The following PKD1L3 variants were observed in gnomAD, a reference collection of about 807,000 sequenced individuals.
The protein encoded by PKD1L3 is polycystin 1 like 3, transient receptor potential channel interacting, also known as polycystin-1-like protein 3.
PKD1L3 carries 239 observed loss-of-function variants against 184.1 expected under a neutral mutation model. That is an observed-to-expected ratio of 1.30 (90% CI 1.17 to 1.45). PKD1L3 has a LOEUF of 1.45. PKD1L3 is among the 40% of genes most tolerant of loss of function. The pLI is 0.00. For synonymous variants in PKD1L3, 996 were observed against 778.8 expected, an observed-to-expected ratio of 1.28 and a Z score of -4.64; for missense variants, 2,660 against 2,067.2, an observed-to-expected ratio of 1.29 and a Z score of -5.56.
intron 2 of PKD1L3, among the ~76,000 whole-genome samples, chr16:71,996,789 G>C (rs72787021): frequency 0.14 from 20,729 of 151,972 alleles, 1,926 homozygotes; most frequent in Non-Finnish European, 0.19. Context: ...TACTGAATTG[G>C]ACTCCATGGA....
chr16:71,937,420 C>T lies in PKD1L3; in HGVS notation c.4325-1G>A, dbSNP rs1028921191. The T allele has an allele frequency of 3.9e-6, 6 of 1,550,268 alleles. No individual in the cohort carries two copies. In the Admixed American group the frequency reaches 1.2e-4, roughly 31 times the overall value. On this transcript the variant is annotated splice_acceptor_variant, in intron 24 of 29. Transcript: ENST00000620267. LOFTEE classifies it high-confidence loss of function. ...AGTCTCAAAGAGGTGAAGAAAGCAC[C>T]TGAGAATAACAAAGAACACCTGGAG... is the stretch of plus-strand genomic sequence containing the variant.
intron 11 of PKD1L3, among the ~76,000 whole-genome samples, chr16:71,975,255 G>A (rs1260345527): frequency 1.4e-5 from 2 of 147,862 alleles, no homozygotes; most frequent in African/African-American, 2.5e-5. Flanking sequence ...ACAGAGTCTC[G>A]CTCTGTTGCC....
At chr16:71,930,254 C>A in intron 28 of PKD1L3, 71 bp from the exon 29 acceptor site, 1 of 1,406,052 alleles carries the variant, frequency 7.1e-7, no homozygotes, top group South Asian at 1.7e-5. Flanking sequence ...AAGCTATATG[C>A]TAGTGTTTGG....
Position 71,930,154 on chromosome 16 carries a change from G to C in PKD1L3, c.4956C>G (p.Thr1652=). 6.4e-7 allele frequency: 1 copy of C among 1,551,174 alleles called. No homozygotes were observed. The highest frequency in any genetic ancestry group is 1.2e-5 in the South Asian group (1 of 84,008). Residue 1652 remains threonine, a synonymous_variant, in exon 29 of 30, where the codon ACC becomes ACG. Coordinates refer to ENST00000620267, the MANE Select transcript of PKD1L3 (RefSeq NM_181536.2). ...AGATGACACTGGTGAGGATCAGAAA[G>C]GTGCCCAGGACTGGGTCTAAAGCGA... ...EVFALDPVLG[T]FLILTSVILM...
intron 14 of PKD1L3, among the ~76,000 whole-genome samples, 157 bp from the exon 15 acceptor site, chr16:71,967,472 A>G (rs1202872931): frequency 6.6e-6 from 1 of 152,196 alleles, no homozygotes; most frequent in Non-Finnish European, 1.5e-5. Context: ...CAGTATAGAT[A>G]TATTTTTTCT....
chr16:71,981,944 G>T, intron 7 of PKD1L3, 115 bp downstream of exon 7: 1 of 1,186,400 alleles, frequency 8.4e-7, no homozygotes, highest in South Asian at 1.9e-5. Context: ...TTCTTCTGCA[G>T]CAGAAACTTC....
chr16:71,946,534 T>G (rs2038609652), intron 22 of PKD1L3, among the ~76,000 whole-genome samples: 1 of 151,886 alleles, frequency 6.6e-6, no homozygotes, highest in Non-Finnish European at 1.5e-5. Flanking sequence ...AGGTGATAAG[T>G]TAGCCCTAGT....
intron 5 of PKD1L3, 130 bp from the exon 6 acceptor site, chr16:71,984,297 A>G: frequency 1.2e-6 from 1 of 828,710 alleles, no homozygotes; most frequent in Non-Finnish European, 1.8e-6. Context: ...GCTCTCTAAA[A>G]CAGTGATTAC....
chr16:71,942,958 T>TA lies in PKD1L3; in HGVS notation c.3925dup (p.Tyr1309LeufsTer34). On this transcript the variant is annotated frameshift_variant, in exon 24 of 30. Transcript: ENST00000620267. LOFTEE classifies it high-confidence loss of function. The stretch of plus-strand genomic sequence containing the variant: ...TGTCTTCCAGATAGCTTGGTGGAGG[T>TA]AAAATCTATTGGAGTTCTTTGCAGA... 6.4e-7 allele frequency: 1 copy of TA among 1,551,450 alleles called. No homozygotes were observed.
intron 5 of PKD1L3, among the ~76,000 whole-genome samples, chr16:71,985,324 A>G (rs1206254402): frequency 6.6e-6 from 1 of 152,168 alleles, no homozygotes; most frequent in Admixed American, 6.5e-5. Context: ...TAGCAGGGAA[A>G]TGTTCAACTG....
At chr16:71,986,516 C>T in intron 4 of PKD1L3, 47 bp from the exon 5 acceptor site, 2 of 1,511,626 alleles carry the variant, frequency 1.3e-6, no homozygotes, top group Non-Finnish European at 1.8e-6. Context: ...CTGATTTTAC[C>T]ATTTTATAAT....
At position 71,945,297 on chromosome 16, in the gene PKD1L3, TATATATATACACACACACACACAC is replaced by T. The variant is rs1290560571; in HGVS notation, c.3719-1151_3719-1128del. Among the ~76,000 whole-genome samples, 172 of 70,008 alleles carry T rather than the reference TATATATATACACACACACACACAC, an allele frequency of 2.5e-3. 1 individual carries two copies. The highest frequency in any genetic ancestry group is 0.021 in the East Asian group (28 of 1,360). The allele number at this position is 70,008 out of a possible 152,430, so 45.9% of individuals were successfully genotyped here. Reference sequence around the variant, plus strand: ...ATATATATATATATATATATATATATATATATATACACACACACACACACATATATACACACACACACACATATA... The same window carrying T: ...ATATATATATATATATATATATATATATATATACACACACACACACATATA... On this transcript the variant is annotated intron_variant, in intron 22 of 29. Transcript: ENST00000620267.
chr16:71,982,339 G>A, intron 6 of PKD1L3, 104 bp from the exon 7 acceptor site: 2 of 1,021,684 alleles, frequency 2.0e-6, no homozygotes, highest in Non-Finnish European at 2.7e-6. Context: ...AGGCTAGAGT[G>A]CAATGGCGTG....
At chr16:71,933,655 A>G (rs1396524490) in intron 27 of PKD1L3, 134 bp from the exon 28 acceptor site, 5 of 752,104 alleles carry the variant, frequency 6.6e-6, no homozygotes, top group East Asian at 2.7e-5. Context: ...CAAAGAATAC[A>G]TAAACTTCCT....
chr16:71,933,524 G>T lies in PKD1L3; in HGVS notation c.4825-3C>A. ...CTGCATCCAAACAGCAGGTTAAACTGAACAGAAGGAGAAAGGCCAGTTAGT... is the reference window on the plus strand; with the variant it reads ...CTGCATCCAAACAGCAGGTTAAACTTAACAGAAGGAGAAAGGCCAGTTAGT... On this transcript the variant is annotated splice_region_variant and splice_polypyrimidine_tract_variant and intron_variant, in intron 27 of 29. Transcript: ENST00000620267. 2 of 1,546,780 alleles carry T rather than the reference G, an allele frequency of 1.3e-6. No homozygotes were observed. The highest frequency in any genetic ancestry group is 1.8e-6 in the Non-Finnish European group (2 of 1,142,316).
chr16:71,968,579 A>G (rs556703234), intron 13 of PKD1L3, among the ~76,000 whole-genome samples: 3 of 152,242 alleles, frequency 2.0e-5, no homozygotes, highest in African/African-American at 7.2e-5. Flanking sequence ...TGCCATATAA[A>G]TTTCTTGTAT....
At position 71,993,304 on chromosome 16, in the gene PKD1L3, A is replaced by G. The variant is rs1354173579; in HGVS notation, c.447T>C (p.Tyr149=). 4 of 1,549,358 alleles carry G rather than the reference A, an allele frequency of 2.6e-6. No homozygotes were observed. Among genetic ancestry groups the G allele is most frequent in the South Asian group, 1.2e-5 (1 of 83,742 alleles). Residue 149 remains tyrosine, a synonymous_variant, in exon 3 of 30, where the codon TAT becomes TAC. Transcript: ENST00000620267. The part of the protein sequence containing the change: ...TGDFLDGDAH[Y]ERNGNNSHLY... ...AATGGGAATTATTTCCATTTCTTTC[A>G]TAATGGGCATCTCCGTCCAAAAAGT... is the stretch of plus-strand genomic sequence containing the variant.
chr16:71,942,437 A>T (rs2038392702), intron 24 of PKD1L3, 123 bp downstream of exon 24: 1 of 795,676 alleles, frequency 1.3e-6, no homozygotes, highest in Non-Finnish European at 2.0e-6. Context: ...AGTCTCCAAC[A>T]AATTTACCTC....
chr16:71,954,117 T>C lies in PKD1L3; in HGVS notation c.2797A>G (p.Arg933Gly), dbSNP rs1469190883. The change falls in exon 17 of 30, where the codon AGA (arginine) becomes GGA (glycine). Residue 933 changes from arginine (R) to glycine (G), a missense_variant. Coordinates refer to ENST00000620267, the MANE Select transcript of PKD1L3 (RefSeq NM_181536.2). ...FWKINSTTAKRDEQMRPFAVA... is the reference protein window; with the variant it reads ...FWKINSTTAKGDEQMRPFAVA... ...GGCTCATCCATACTTTGCTCATCTCTCTTGGCAGTGGTGCTGTTTATCTTC... is the reference window on the plus strand; with the variant it reads ...GGCTCATCCATACTTTGCTCATCTCCCTTGGCAGTGGTGCTGTTTATCTTC... The C allele has an allele frequency of 7.8e-6, 12 of 1,542,556 alleles. No individual in the cohort carries two copies. The East Asian group carries it at 2.5e-4, about 32-fold the overall frequency.
Sources: allele counts gnomAD v4.1 joint callset (sites outside exome capture counted in the v4.1 genomes callset), GRCh38; gene constraint gnomAD v4.1.1; transcripts MANE v1.5; gene names NCBI Gene and HGNC (gene_info 2026-07-23, HGNC 2026-07-21).